The following KDM4A variants were observed in gnomAD, a reference collection of about 807,000 sequenced individuals.
The protein encoded by KDM4A is lysine demethylase 4A.
In KDM4A, 23 loss-of-function variants were observed where a neutral mutation model predicts 127.1. That is an observed-to-expected ratio of 0.18 (90% CI 0.13 to 0.26). The LOEUF is 0.26. KDM4A is among the 10% of genes least tolerant of loss of function. KDM4A has a pLI of 1.00. For missense variants in KDM4A, 890 were observed against 1,329.1 expected (o/e 0.67, Z 5.14); for synonymous variants, 443 against 466.5 (o/e 0.95, Z 0.65).
Position 43,694,589 on chromosome 1 carries a change from C to G in KDM4A, c.2485-120C>G. On this transcript the variant is annotated intron_variant, in intron 17 of 21. Coordinates refer to ENST00000372396, the MANE Select transcript of KDM4A (RefSeq NM_014663.3). The surrounding 1 kb of genome is among the most constrained non-coding windows in gnomAD (Gnocchi z 5.2). ...CCTGGATTAGAGCAGGCTGGTGTGT[C>G]CTTGTATTTTGGGAAGGGGCTGGCT... The G allele has an allele frequency of 1.3e-6, 1 of 779,262 alleles. No individual in the cohort carries two copies. The highest frequency in any genetic ancestry group is 1.7e-5 in the South Asian group (1 of 58,606). The allele number at this position is 779,262 out of a possible 1,614,324, so 48.3% of individuals were successfully genotyped here. A position where few individuals can be genotyped will look rare whatever the true frequency, so the allele number is the denominator to read the frequency against.
intron 11 of KDM4A, among the ~76,000 whole-genome samples, chr1:43,681,335 A>T (rs1660852563): frequency 6.6e-6 from 1 of 151,984 alleles, no homozygotes; most frequent in African/African-American, 2.4e-5. Flanking sequence ...CTGTCCCTGG[A>T]AGGCTTAGTC....
At chr1:43,681,637 C>T (rs1557913954) in intron 11 of KDM4A, among the ~76,000 whole-genome samples, 2 of 152,176 alleles carry the variant, frequency 1.3e-5, no homozygotes, top group South Asian at 4.1e-4. Flanking sequence ...CTTCTTTATT[C>T]CCATCCTTTT....
In KDM4A at chr1:43,667,849, T is replaced by G; in HGVS notation, c.993T>G (p.Leu331=). 6.2e-7 allele frequency: 1 copy of G among 1,614,104 alleles called. No homozygotes were observed. The highest frequency in any genetic ancestry group is 8.5e-7 in the Non-Finnish European group (1 of 1,180,018). ...VRKFQPERYK[L]WKAGKDNTVI... is the part of the protein sequence containing the mutation. ...AGTTCCAGCCAGAAAGGTACAAACT[T>G]TGGAAAGCTGGGAAGGACAACACAG... The change falls in exon 9 of 22, where the codon CTT becomes CTG. Residue 331 remains leucine (L), a synonymous_variant. Transcript: ENST00000372396.
intron 11 of KDM4A, among the ~76,000 whole-genome samples, chr1:43,672,283 G>A (rs1469797518): frequency 6.6e-6 from 1 of 151,958 alleles, no homozygotes; most frequent in Non-Finnish European, 1.5e-5. Context: ...CTGCCTTCCA[G>A]GTTCAAGCAG....
At position 43,669,309 on chromosome 1, in the gene KDM4A, CTA is replaced by C; in HGVS notation, c.1363+12_1363+13del. 3 of 1,613,696 alleles carry C rather than the reference CTA, an allele frequency of 1.9e-6. No individual in the cohort carries two copies. Among genetic ancestry groups the C allele is most frequent in the Non-Finnish European group, 1.7e-6 (2 of 1,179,622 alleles). On this transcript the variant is annotated intron_variant, in intron 10 of 21. Transcript: ENST00000372396. ...GGTCTTACCTTCCCAGGTTAGTTGACTATGGTGTATTTTCCACAACCCTAACT... is the reference window on the plus strand; with the variant it reads ...GGTCTTACCTTCCCAGGTTAGTTGACTGGTGTATTTTCCACAACCCTAACT...
chr1:43,678,151 C>T (rs1660781987), intron 11 of KDM4A, among the ~76,000 whole-genome samples: 1 of 151,876 alleles, frequency 6.6e-6, no homozygotes, highest in South Asian at 2.1e-4. Flanking sequence ...TTAGTGTGGG[C>T]CAGGAAATGA....
intron 2 of KDM4A, among the ~76,000 whole-genome samples, chr1:43,654,020 G>C (rs1462309556): frequency 6.6e-6 from 1 of 152,190 alleles, no homozygotes; most frequent in Admixed American, 6.5e-5. Flanking sequence ...AATATGAAAA[G>C]AGAAAGCAAG....
chr1:43,652,776 G>A (rs1019069012), intron 1 of KDM4A, among the ~76,000 whole-genome samples: 5 of 149,266 alleles, frequency 3.3e-5, no homozygotes, highest in Admixed American at 6.8e-5. Context: ...TTAGCCTCCC[G>A]GGTTCAAGTG....
chr1:43,669,964 GAAA>G (rs1331837451), intron 10 of KDM4A, among the ~76,000 whole-genome samples: 1 of 152,156 alleles, frequency 6.6e-6, no homozygotes, highest in East Asian at 1.9e-4. Context: ...GCAGAGATGG[GAAA>G]TATTAATAGC....
At chr1:43,665,944 G>A (rs1047863557) in intron 6 of KDM4A, among the ~76,000 whole-genome samples, 199 bp downstream of exon 6, 1 of 152,158 alleles carries the variant, frequency 6.6e-6, no homozygotes, top group East Asian at 1.9e-4. Flanking sequence ...CTGTGCCTCA[G>A]TTTTAATGAG....
intron 4 of KDM4A, 76 bp from the exon 5 acceptor site, chr1:43,662,818 C>T: frequency 1.6e-6 from 2 of 1,274,840 alleles, no homozygotes; most frequent in South Asian, 1.4e-5. Flanking sequence ...TACTTGTGAC[C>T]TACTCTGATT....
chr1:43,701,481 T>G (rs993393940), intron 19 of KDM4A, among the ~76,000 whole-genome samples: 5 of 152,330 alleles, frequency 3.3e-5, no homozygotes, highest in Admixed American at 6.5e-5. Flanking sequence ...TTTTTTCTTT[T>G]TTTAAATTTT....
Position 43,671,722 on chromosome 1 carries a change from T to G in KDM4A, c.1581T>G (p.Thr527=). The G allele has an allele frequency of 6.2e-7, 1 of 1,613,870 alleles. No individual in the cohort carries two copies. The highest frequency in any genetic ancestry group is 8.5e-7 in the Non-Finnish European group (1 of 1,179,860). ...ATTCTATCTCTTCTGATTCAGAAACTAGTGAGCCTCTCTCCTGCCGAGCCC... is the reference window on the plus strand; with the variant it reads ...ATTCTATCTCTTCTGATTCAGAAACGAGTGAGCCTCTCTCCTGCCGAGCCC... ...SRDSISSDSE[T]SEPLSCRAQG... The change falls in exon 11 of 22, where the codon ACT becomes ACG. Residue 527 remains threonine (T), a synonymous_variant. Coordinates refer to ENST00000372396, the MANE Select transcript of KDM4A (RefSeq NM_014663.3).
At position 43,660,426 on chromosome 1, in the gene KDM4A, G is replaced by C. The variant is rs775078129; in HGVS notation, c.429+14G>C. On this transcript the variant is annotated intron_variant, in intron 4 of 21. Coordinates refer to ENST00000372396, the MANE Select transcript of KDM4A (RefSeq NM_014663.3). ...CTCTATGAAAAGGTGAGGCTCACTGGAAACCCTCTGTGCAGTGTTTTTGTA... is the reference window on the plus strand; with the variant it reads ...CTCTATGAAAAGGTGAGGCTCACTGCAAACCCTCTGTGCAGTGTTTTTGTA... The C allele has an allele frequency of 3.2e-6, 5 of 1,584,780 alleles. No individual in the cohort carries two copies. Among genetic ancestry groups the C allele is most frequent in the Non-Finnish European group, 4.3e-6 (5 of 1,163,622 alleles).
At position 43,683,760 on chromosome 1, in the gene KDM4A, C is replaced by G. The variant is rs1660910513; in HGVS notation, c.1811C>G (p.Pro604Arg). ...KGRRQPLSKL[P>R]RHHPLVLQEC... ...CGCCGTCAGCCTTTAAGCAAGCTCC[C>G]CCGCCATCACCCACTTGTGCTGCAG... Residue 604 changes from proline (P) to arginine (R), a missense_variant, in exon 12 of 22, where the codon CCC becomes CGC. By Grantham distance (103) the Pro-to-Arg change is moderately radical (BLOSUM62 -2). Transcript: ENST00000372396. 1 of 1,613,978 alleles carries G rather than the reference C, an allele frequency of 6.2e-7. No individual in the cohort carries two copies. The highest frequency in any genetic ancestry group is 8.5e-7 in the Non-Finnish European group (1 of 1,180,014).
In KDM4A at chr1:43,676,344, C is replaced by T. The variant is rs916105558; in HGVS notation, c.1734+4469C>T. The stretch of plus-strand genomic sequence containing the variant: ...ACCCACAAATAATTTTTTTTTGAGA[C>T]GGAGTCTTGCTCTGTCGCCCAGGCT... On this transcript the variant is annotated intron_variant, in intron 11 of 21. Transcript: ENST00000372396. Among the ~76,000 whole-genome samples the T allele has an allele frequency of 2.6e-5, 4 of 151,858 alleles. 1 individual carries two copies. The highest frequency in any genetic ancestry group is 5.9e-5 in the Non-Finnish European group (4 of 67,962).
intron 11 of KDM4A, 44 bp downstream of exon 11, chr1:43,671,919 AG>A: frequency 1.3e-6 from 2 of 1,505,778 alleles, no homozygotes; most frequent in Non-Finnish European, 1.8e-6. Flanking sequence ...GCTGCCCTGG[AG>A]GACACCCTGT....
chr1:43,672,460 T>G (rs1367885582), intron 11 of KDM4A, among the ~76,000 whole-genome samples: 2 of 152,020 alleles, frequency 1.3e-5, no homozygotes, highest in African/African-American at 4.8e-5. Flanking sequence ...GTGGTGGGAT[T>G]ACAGGCGTGA....
intron 4 of KDM4A, among the ~76,000 whole-genome samples, chr1:43,662,329 G>GT: frequency 6.6e-6 from 1 of 151,866 alleles, no homozygotes; most frequent in Non-Finnish European, 1.5e-5. Flanking sequence ...GTGACTCTTG[G>GT]TCGGGCGCGG....
Sources: gnomAD v4.1 joint callset for allele counts (sites outside exome capture counted in the v4.1 genomes callset) on GRCh38, gnomAD v4.1.1 for gene constraint, Gnocchi (gnomAD v3.1) non-coding constraint, MANE v1.5 for transcripts, NCBI Gene and HGNC (gene_info 2026-07-23, HGNC 2026-07-21) for gene names.